FRMPD2: variants seen among roughly 807,000 people sequenced by gnomAD.
FRMPD2 encodes the protein FERM and PDZ domain-containing protein 2.
A neutral mutation model predicts 140.1 loss-of-function variants in FRMPD2; 96 were observed. That is an observed-to-expected ratio of 0.69 (90% CI 0.58 to 0.81). The LOEUF (loss-of-function observed/expected upper bound fraction) is 0.81, where lower values mean the gene tolerates loss of function less well. Among genes scored for constraint, FRMPD2 ranks in the 40% least tolerant of loss-of-function variants. The pLI is 0.00. For missense variants in FRMPD2, 1,240 were observed against 1,447.4 expected, an observed-to-expected ratio of 0.86 and a Z score of 2.32; for synonymous variants, 449 against 547.6, an observed-to-expected ratio of 0.82 and a Z score of 2.52.
chr10:48,185,025 AG>A (rs1164986944), intron 18 of FRMPD2, 144 bp from the exon 19 acceptor site: 5 of 613,390 alleles, frequency 8.2e-6, no homozygotes, highest in Non-Finnish European at 1.4e-5. Context: ...CCTCAAATAG[AG>A]GATCTTTTCT....
intron 13 of FRMPD2, among the ~76,000 whole-genome samples, chr10:48,211,279 C>T (rs1839317851): frequency 6.6e-6 from 1 of 152,226 alleles, no homozygotes; most frequent in South Asian, 2.1e-4. Flanking sequence ...TTTTGCCCCG[C>T]TGGTGAAGAG....
At position 48,220,980 on chromosome 10, in the gene FRMPD2, T is replaced by C. The variant is rs188471352; in HGVS notation, c.1455+1333A>G. 4.0e-3 allele frequency among the ~76,000 whole-genome samples: 608 copies of C among 152,326 alleles called. 1 individual carries two copies. The highest frequency in any genetic ancestry group is 6.6e-3 in the Non-Finnish European group (446 of 68,008). On this transcript the variant is annotated intron_variant, in intron 12 of 28. Transcript: ENST00000374201. ...ATGTGGTAAAAAGGGAACACTTTTA[T>C]ACTGCTGGTGGGAATGTAAGCTAGT...
intron 25 of FRMPD2, among the ~76,000 whole-genome samples, chr10:48,172,459 G>A (rs1348551980): frequency 2.6e-5 from 4 of 152,300 alleles, no homozygotes; most frequent in Admixed American, 2.6e-4. Context: ...GCAGCCCATC[G>A]GAAAACGTGC....
rs886255830 is a variant in FRMPD2, at chr10:48,242,466, A to T, written c.376-114T>A. The stretch of plus-strand genomic sequence containing the variant: ...GGAAACGGGTGTTCCCACAAGCACC[A>T]GAGCAGATGCCTGCCCCTTCTGGAG... On this transcript the variant is annotated intron_variant, in intron 4 of 28. Transcript: ENST00000374201. 3.6e-6 allele frequency: 3 copies of T among 839,396 alleles called. No individual in the cohort carries two copies. In the East Asian group the frequency reaches 7.8e-5, roughly 22 times the overall value. The allele number at this position is 839,396 out of a possible 1,614,324, so 52.0% of individuals were successfully genotyped here.
chr10:48,271,636 G>T (rs1189028337), intron 1 of FRMPD2, among the ~76,000 whole-genome samples: 1 of 150,348 alleles, frequency 6.7e-6, no homozygotes, highest in Non-Finnish European at 1.5e-5. Context: ...GCCAAGGCAA[G>T]AAAAAAAAAG....
At chr10:48,245,401 A>G (rs887785254) in intron 3 of FRMPD2, among the ~76,000 whole-genome samples, 1 of 152,208 alleles carries the variant, frequency 6.6e-6, no homozygotes, top group Non-Finnish European at 1.5e-5. Context: ...TCCATGACAC[A>G]TTACAGTTCA....
intron 1 of FRMPD2, among the ~76,000 whole-genome samples, chr10:48,260,856 A>G (rs1376669003): frequency 6.7e-6 from 1 of 149,836 alleles, no homozygotes; most frequent in Admixed American, 6.7e-5. Flanking sequence ...GAAATGTAAA[A>G]TAACTATGAT....
intron 12 of FRMPD2, among the ~76,000 whole-genome samples, chr10:48,213,060 G>C (rs1203005216): frequency 6.6e-6 from 1 of 152,150 alleles, no homozygotes; most frequent in African/African-American, 2.4e-5. Context: ...GTGGGAGCTG[G>C]GAGAATCTGG....
Position 48,209,614 on chromosome 10 carries a change from T to C in FRMPD2, c.1611+2340A>G, listed in dbSNP as rs191035449. 9.8e-5 allele frequency among the ~76,000 whole-genome samples: 15 copies of C among 152,364 alleles called. No homozygotes were observed. The East Asian group carries it at 2.9e-3, about 29-fold the overall frequency. ...AGTAACTGGGCTCTGTGATGGGCAC[T>C]GAGGATCCACGGCCTTCCAGGCATT... On this transcript the variant is annotated intron_variant, in intron 13 of 28. Coordinates refer to ENST00000374201, the MANE Select transcript of FRMPD2 (RefSeq NM_001018071.4).
intron 18 of FRMPD2, 82 bp from the exon 19 acceptor site, chr10:48,184,963 TCACA>T: frequency 1.1e-6 from 1 of 938,004 alleles, no homozygotes; most frequent in Non-Finnish European, 1.6e-6. Flanking sequence ...TTCCCTCATA[TCACA>T]CAGCTACCAA....
chr10:48,238,812 T>C (rs1290737292), intron 7 of FRMPD2, among the ~76,000 whole-genome samples: 1 of 152,262 alleles, frequency 6.6e-6, no homozygotes, highest in Non-Finnish European at 1.5e-5. Flanking sequence ...TTCTCCCTGA[T>C]CTGCACCCTT....
At chr10:48,205,819 T>G (rs1839186967) in intron 14 of FRMPD2, among the ~76,000 whole-genome samples, 1 of 152,198 alleles carries the variant, frequency 6.6e-6, no homozygotes, top group South Asian at 2.1e-4. Context: ...AAATTTTATC[T>G]TGACAATGTG....
intron 9 of FRMPD2, among the ~76,000 whole-genome samples, chr10:48,234,784 T>C (rs1298409297): frequency 1.3e-5 from 2 of 152,162 alleles, no homozygotes; most frequent in Admixed American, 6.5e-5. Context: ...GTCCTAGACC[T>C]GGTGTGTAGG....
chr10:48,268,333 A>G (rs1216485866), intron 1 of FRMPD2, among the ~76,000 whole-genome samples: 1 of 152,238 alleles, frequency 6.6e-6, no homozygotes, highest in African/African-American at 2.4e-5. Context: ...GTTTCTTTTT[A>G]AAAAAGAGAA....
rs369047715 is a variant in FRMPD2 at position 48,251,710 on chromosome 10, T to A, written c.26-19A>T. ...CTCATGCCTACAATAAAGACATGCA[T>A]GTGACAGGGCCTCTGCAATGTCCAG... On this transcript the variant is annotated intron_variant, in intron 1 of 28. Transcript: ENST00000374201. 3.1e-6 allele frequency: 5 copies of A among 1,613,822 alleles called. No homozygotes were observed. The highest frequency in any genetic ancestry group is 4.2e-6 in the Non-Finnish European group (5 of 1,179,750).
intron 25 of FRMPD2, among the ~76,000 whole-genome samples, chr10:48,172,661 A>G (rs1366701519): frequency 6.6e-6 from 1 of 151,482 alleles, no homozygotes; most frequent in Non-Finnish European, 1.5e-5. Context: ...CATCCTAAAT[A>G]TTCACACAAA....
Position 48,259,499 on chromosome 10 carries a change from T to C in FRMPD2, c.26-7808A>G, listed in dbSNP as rs1840541661. On this transcript the variant is annotated intron_variant, in intron 1 of 28. Coordinates refer to ENST00000374201, the MANE Select transcript of FRMPD2 (RefSeq NM_001018071.4). ...GTCTCGAACCTTTAAATTTAAAGTA[T>C]TATGCGCTATTAATCTAGTGACTTG... 5.9e-5 allele frequency among the ~76,000 whole-genome samples: 9 copies of C among 152,166 alleles called. No homozygotes were observed. In the South Asian group the frequency reaches 1.9e-3, roughly 32 times the overall value.
intron 15 of FRMPD2, among the ~76,000 whole-genome samples, chr10:48,198,698 T>C (rs1839009589): frequency 6.6e-6 from 1 of 152,250 alleles, no homozygotes; most frequent in Non-Finnish European, 1.5e-5. Context: ...CATTGATTCT[T>C]CCAATCCATA....
At chr10:48,203,895 G>T (rs1247593435) in intron 14 of FRMPD2, among the ~76,000 whole-genome samples, 1 of 152,186 alleles carries the variant, frequency 6.6e-6, no homozygotes, top group Non-Finnish European at 1.5e-5. Context: ...GCACCAGGTG[G>T]TGTTGGGTGA....
Sources: allele counts gnomAD v4.1 joint callset (sites outside exome capture counted in the v4.1 genomes callset), GRCh38; gene constraint gnomAD v4.1.1; transcripts MANE v1.5; gene names NCBI Gene and HGNC (gene_info 2026-07-23, HGNC 2026-07-21).